Variants in ADAM28 observed in about 807,000 individuals in gnomAD.
ADAM28 encodes disintegrin and metalloproteinase domain-containing protein 28.
A neutral mutation model predicts 101.2 loss-of-function variants in ADAM28; 105 were observed. That is an observed-to-expected ratio of 1.04 (90% CI 0.89 to 1.22). The LOEUF is 1.22. Among genes scored for constraint, ADAM28 ranks in the 50% most tolerant of loss-of-function variants. The probability of loss-of-function intolerance (pLI) is 0.00; values close to 1 mark genes in which losing one functional copy is unlikely to be tolerated. For missense variants in ADAM28, 1,028 were observed against 945.4 expected, an observed-to-expected ratio of 1.09 and a Z score of -1.15; for synonymous variants, 322 against 310.6, an observed-to-expected ratio of 1.04 and a Z score of -0.39.
At chr8:24,304,269 A>T (rs969996167) in intron 2 of ADAM28, among the ~76,000 whole-genome samples, 7 of 149,856 alleles carry the variant, frequency 4.7e-5, no homozygotes, top group African/African-American at 1.5e-4. Flanking sequence ...TAGGTGGATG[A>T]GGTTGATATA....
intron 2 of ADAM28, among the ~76,000 whole-genome samples, chr8:24,309,530 A>T (rs1042301665): frequency 6.6e-6 from 1 of 152,124 alleles, no homozygotes; most frequent in Non-Finnish European, 1.5e-5. Flanking sequence ...AACTCACCTC[A>T]TTGTCTGTCT....
intron 2 of ADAM28, chr8:24,308,756 G>A (rs1810038028): frequency 2.2e-6 from 1 of 454,626 alleles, no homozygotes; most frequent in Non-Finnish European, 4.4e-6. Context: ...CAACAACTGA[G>A]GATTTAAGCA....
In ADAM28 at chr8:24,350,875, T is replaced by TGG. The variant is rs1563330664; in HGVS notation, c.2100-357_2100-356insGG. Among the ~76,000 whole-genome samples, 343 of 131,706 alleles carry TGG rather than the reference T, an allele frequency of 2.6e-3. 1 individual carries two copies. The highest frequency in any genetic ancestry group is 0.02 in the Admixed American group (273 of 13,546). 86.4% of individuals were successfully genotyped at this position (131,706 alleles called of 152,430 possible). A position where few individuals can be genotyped will look rare whatever the true frequency, so the allele number is the denominator to read the frequency against. ...TCTGGCACAACGGTGTTTTTTTTTT[T>TGG]TTTTTTTTTTTTTTTAGCACTTTTA... On this transcript the variant is annotated intron_variant, in intron 19 of 22. Transcript: ENST00000265769.
intron 19 of ADAM28, 96 bp from the exon 20 acceptor site, chr8:24,351,136 C>T (rs10092862): frequency 0.99 from 1,045,518 of 1,059,540 alleles, 516,354 homozygotes; most frequent in East Asian, 1. Flanking sequence ...AAGAAAGACA[C>T]AATGGGAAAA....
chr8:24,322,726 C>T (rs1000057438), intron 8 of ADAM28: 1 of 151,938 alleles, frequency 6.6e-6, no homozygotes, highest in Non-Finnish European at 1.5e-5. Context: ...AGGATGATAA[C>T]ATGGCTGGAT....
At chr8:24,305,086 A>G (rs1809385994) in intron 2 of ADAM28, among the ~76,000 whole-genome samples, 2 of 151,672 alleles carry the variant, frequency 1.3e-5, no homozygotes, top group Non-Finnish European at 1.5e-5. Context: ...GCTTTTCTTA[A>G]TAATATTCTT....
chr8:24,353,925 C>G (rs896445919), intron 22 of ADAM28, 93 bp downstream of exon 22: 1 of 848,850 alleles, frequency 1.2e-6, no homozygotes, highest in South Asian at 1.8e-5. Context: ...AAAAAACTTA[C>G]TAAGAACAGT....
intron 9 of ADAM28, 90 bp from the exon 10 acceptor site, chr8:24,326,464 C>A (rs1268635507): frequency 2.5e-6 from 3 of 1,216,440 alleles, no homozygotes; most frequent in African/African-American, 1.5e-5. Flanking sequence ...GTGAGTTTTT[C>A]TGCTAACCAT....
At chr8:24,303,726 T>G (rs1809154099) in intron 2 of ADAM28, among the ~76,000 whole-genome samples, 1 of 152,334 alleles carries the variant, frequency 6.6e-6, no homozygotes, top group South Asian at 2.1e-4. Flanking sequence ...TATAAATTAC[T>G]GTGGGCAGTA....
At chr8:24,313,730 T>G in intron 6 of ADAM28, 150 bp downstream of exon 6, 1 of 814,384 alleles carries the variant, frequency 1.2e-6, no homozygotes, top group Non-Finnish European at 1.9e-6. Context: ...CATTAATGAT[T>G]CATTTAACAA....
rs939230569 is a variant in ADAM28, at chr8:24,341,664, A to G, written c.1737A>G (p.Ile579Met). Residue 579 changes from isoleucine to methionine, a missense_variant, in exon 16 of 23, where the codon ATA becomes ATG. Coordinates refer to ENST00000265769, the MANE Select transcript of ADAM28 (RefSeq NM_014265.6). ...ATAATTTGCCCTGGAAAGGACGGAT[A>G]GTGACTTTCCTGACATGTAAAACAT... ...GSDNLPWKGR[I>M]VTFLTCKTFD... 1 of 1,613,790 alleles carries G rather than the reference A, an allele frequency of 6.2e-7. No homozygotes were observed. The highest frequency in any genetic ancestry group is 1.3e-5 in the African/African-American group (1 of 74,910).
chr8:24,298,371 G>T (rs1808256725), intron 1 of ADAM28, among the ~76,000 whole-genome samples: 1 of 152,048 alleles, frequency 6.6e-6, no homozygotes, highest in Non-Finnish European at 1.5e-5. Flanking sequence ...TTAAATGTAA[G>T]TGACTCTTGA....
intron 5 of ADAM28, among the ~76,000 whole-genome samples, chr8:24,312,440 T>A (rs1327684442): frequency 6.6e-6 from 1 of 152,090 alleles, no homozygotes; most frequent in Non-Finnish European, 1.5e-5. Context: ...CTAAACACTT[T>A]CTGAAATTGT....
chr8:24,336,485 CAGG>C (rs890924368), intron 14 of ADAM28, among the ~76,000 whole-genome samples: 5 of 144,726 alleles, frequency 3.5e-5, no homozygotes, highest in Admixed American at 1.5e-4. Flanking sequence ...GAGGCTGAGG[CAGG>C]AGAAGGGCCT....
intron 7 of ADAM28, among the ~76,000 whole-genome samples, chr8:24,320,866 C>T (rs923650876): frequency 1.3e-5 from 2 of 151,904 alleles, no homozygotes; most frequent in African/African-American, 4.8e-5. Context: ...ACTTACTGTG[C>T]TTAATTCATG....
chr8:24,310,209 G>A lies in ADAM28; in HGVS notation c.274G>A (p.Gly92Arg). The change falls in exon 4 of 23, where the codon GGA becomes AGA. Residue 92 changes from glycine (G) to arginine (R), a missense_variant. Physicochemically the swap from Gly to Arg is moderately radical, Grantham distance 125 (BLOSUM62 -2). Coordinates refer to ENST00000265769, the MANE Select transcript of ADAM28 (RefSeq NM_014265.6). ...GYTETYYNST[G>R]KEITTSPQIM... Reference sequence around the variant, plus strand: ...CACGGAAACATATTATAATTCCACTGGAAAGGAGATCACCACAAGCCCACA... The same window carrying A: ...CACGGAAACATATTATAATTCCACTAGAAAGGAGATCACCACAAGCCCACA... 1 of 1,613,298 alleles carries A rather than the reference G, an allele frequency of 6.2e-7. No homozygotes were observed. The highest frequency in any genetic ancestry group is 2.2e-5 in the East Asian group (1 of 44,864).
Position 24,355,755 on chromosome 8 carries a change from CACTTTCTTGGT to C in ADAM28, c.*1355_*1365del, listed in dbSNP as rs1210116441. The C allele has an allele frequency of 6.6e-6, 1 of 152,174 alleles. No individual in the cohort carries two copies. The highest frequency in any genetic ancestry group is 1.5e-5 in the Non-Finnish European group (1 of 68,036). The allele number at this position is 152,174 out of a possible 1,614,324, so 9.4% of individuals were successfully genotyped here. The stretch of plus-strand genomic sequence containing the variant: ...ATCAGTGACTGCTGGAGTTACCTCA[CACTTTCTTGGT>C]ACTCCTTATTATATGAGCCATACAT... On this transcript the variant is annotated 3_prime_UTR_variant, in exon 23 of 23. Transcript: ENST00000265769.
chr8:24,306,389 A>AATATATATATAT (rs1050085696), intron 2 of ADAM28, among the ~76,000 whole-genome samples: 2 of 117,414 alleles, frequency 1.7e-5, no homozygotes, highest in African/African-American at 6.8e-5. Flanking sequence ...TATATATTTA[A>AATATATATATAT]AAATATATAT....
At chr8:24,329,903 G>A (rs892835984) in intron 10 of ADAM28, 82 bp from the exon 11 acceptor site, 63 of 1,453,356 alleles carry the variant, frequency 4.3e-5, no homozygotes, top group Non-Finnish European at 2.5e-5. Flanking sequence ...GAGAGAGAGA[G>A]AGAGAGAGAG....
Sources: gnomAD v4.1 joint callset for allele counts (sites outside exome capture counted in the v4.1 genomes callset) on GRCh38, gnomAD v4.1.1 for gene constraint, MANE v1.5 for transcripts, NCBI Gene and HGNC (gene_info 2026-07-23, HGNC 2026-07-21) for gene names.